The following GPC3 variants were observed in gnomAD, a reference collection of about 807,000 sequenced individuals.
GPC3 encodes glypican 3.
In GPC3, 3 loss-of-function variants were observed where a neutral mutation model predicts 34.4. The ratio of observed to expected loss-of-function variants is 0.09; its 90% confidence interval spans 0.04 to 0.23. GPC3 has a LOEUF of 0.23. Ranked by LOEUF, GPC3 falls within the 10% of genes least tolerant of loss-of-function variation. The pLI is 1.00. For missense variants in GPC3, 351 were observed against 445.6 expected (o/e 0.79, Z 1.91); for synonymous variants, 177 against 174.0 (o/e 1.02, Z -0.13).
intron 6 of GPC3, among the ~76,000 whole-genome samples, chrX:133,629,776 C>T (rs1372391599): frequency 1.8e-5 from 2 of 109,603 alleles, no homozygotes; most frequent in African/African-American, 6.6e-5. Flanking sequence ...AAGAGTTGGC[C>T]GGGCGCAGTG....
At chrX:133,857,453 C>T (rs2075909210) in intron 2 of GPC3, among the ~76,000 whole-genome samples, 1 of 111,821 alleles carries the variant, frequency 8.9e-6, no homozygotes, top group Non-Finnish European at 1.9e-5. Flanking sequence ...ATATAATCTT[C>T]CCTTTCACCC....
intron 2 of GPC3, among the ~76,000 whole-genome samples, chrX:133,896,473 A>G (rs1441926785): frequency 1.8e-5 from 2 of 112,004 alleles, no homozygotes; most frequent in Non-Finnish European, 3.8e-5. Flanking sequence ...AATGTCTCTA[A>G]GTTCTTTTTC....
chrX:133,538,745 T>C (rs2069316911), intron 7 of GPC3, among the ~76,000 whole-genome samples: 1 of 104,410 alleles, frequency 9.6e-6, no homozygotes. Flanking sequence ...CATGGCTCAA[T>C]GCAGCCTCGA....
chrX:133,786,488 C>T (rs186290754), intron 2 of GPC3, among the ~76,000 whole-genome samples: 286 of 112,732 alleles, frequency 2.5e-3, no homozygotes, highest in African/African-American at 8.5e-3. Flanking sequence ...AAAAAGGGGT[C>T]CCCGGAGAAT....
At chrX:133,784,016 C>T (rs1219474442) in intron 2 of GPC3, among the ~76,000 whole-genome samples, 1 of 111,761 alleles carries the variant, frequency 8.9e-6, no homozygotes, top group Non-Finnish European at 1.9e-5. Context: ...AGAAACCTTA[C>T]TTCCTCCACT....
intron 2 of GPC3, among the ~76,000 whole-genome samples, chrX:133,770,008 C>T (rs778076331): frequency 8.9e-6 from 1 of 112,360 alleles, no homozygotes; most frequent in Non-Finnish European, 1.9e-5. Flanking sequence ...GGTGCAGTGC[C>T]GCAGGCCAGT....
chrX:133,759,453 C>T (rs1049974783), intron 2 of GPC3, among the ~76,000 whole-genome samples: 1 of 111,550 alleles, frequency 9.0e-6, no homozygotes, highest in Admixed American at 9.5e-5. Context: ...CAGAAATAGA[C>T]CCACACAAAT....
intron 2 of GPC3, among the ~76,000 whole-genome samples, chrX:133,857,276 T>A (rs1481451403): frequency 3.6e-5 from 4 of 112,437 alleles, no homozygotes; most frequent in Non-Finnish European, 5.6e-5. Context: ...AATTGATTAT[T>A]AATGAATCAT....
chrX:133,854,414 CTG>C (rs778958252), intron 2 of GPC3, among the ~76,000 whole-genome samples: 78 of 111,849 alleles, frequency 7.0e-4, no homozygotes, highest in Non-Finnish European at 8.8e-4. Context: ...AAAGCTTACA[CTG>C]TGTTAGGCAA....
chrX:133,763,164 G>A, intron 2 of GPC3: 1 of 719,006 alleles, frequency 1.4e-6, no homozygotes, highest in Non-Finnish European at 2.2e-6. Context: ...AGCTTCTTGT[G>A]GTTACTGACC....
At chrX:133,685,764 T>G (rs1041096355) in intron 5 of GPC3, among the ~76,000 whole-genome samples, 2 of 108,427 alleles carry the variant, frequency 1.8e-5, no homozygotes, top group African/African-American at 3.4e-5. Flanking sequence ...ATAGTTTTTT[T>G]TTTTTTTTTT....
chrX:133,937,782 G>C (rs1239862650), intron 2 of GPC3, among the ~76,000 whole-genome samples: 1 of 111,813 alleles, frequency 8.9e-6, no homozygotes, highest in Non-Finnish European at 1.9e-5. Flanking sequence ...AACAATATTA[G>C]AAATGTTGTA....
At chrX:133,555,778 A>G (rs1478756613) in intron 7 of GPC3, among the ~76,000 whole-genome samples, 2 of 108,475 alleles carry the variant, frequency 1.8e-5, no homozygotes, top group Admixed American at 2.0e-4. Flanking sequence ...CAGTGAGCCG[A>G]GATTGTGCCA....
chrX:133,922,492 T>C (rs1310546311), intron 2 of GPC3, among the ~76,000 whole-genome samples: 1 of 111,566 alleles, frequency 9.0e-6, no homozygotes, highest in Non-Finnish European at 1.9e-5. Context: ...ACTATAAGGG[T>C]GACCTCAGGA....
intron 6 of GPC3, among the ~76,000 whole-genome samples, 163 bp downstream of exon 6, chrX:133,661,567 T>C (rs1306553465): frequency 1.5e-5 from 1 of 68,084 alleles, no homozygotes; most frequent in African/African-American, 6.0e-5. Flanking sequence ...TATATCTCTC[T>C]TTCTCTCTCT....
chrX:133,945,015 C>T (rs757545474), intron 2 of GPC3, among the ~76,000 whole-genome samples: 1 of 111,787 alleles, frequency 8.9e-6, no homozygotes, highest in East Asian at 2.8e-4. Flanking sequence ...AGGTGTTTGC[C>T]CCTTCCAAGA....
At chrX:133,555,758 G>T (rs1181763889) in intron 7 of GPC3, among the ~76,000 whole-genome samples, 2 of 109,186 alleles carry the variant, frequency 1.8e-5, no homozygotes, top group Non-Finnish European at 3.8e-5. Context: ...AACCTGAGAG[G>T]CAGAGACTGC....
intron 2 of GPC3, among the ~76,000 whole-genome samples, chrX:133,839,950 A>T (rs2075816930): frequency 9.5e-6 from 1 of 105,103 alleles, no homozygotes; most frequent in South Asian, 4.2e-4. Context: ...AAAAAAAGAC[A>T]TCTCAGAACA....
At chrX:133,950,145 A>C (rs2076385852) in intron 2 of GPC3, among the ~76,000 whole-genome samples, 1 of 112,339 alleles carries the variant, frequency 8.9e-6, no homozygotes, top group African/African-American at 3.2e-5. Flanking sequence ...CAGAAACAAA[A>C]AGCAATTGTG....
Sources: allele counts gnomAD v4.1 joint callset (sites outside exome capture counted in the v4.1 genomes callset), GRCh38; gene constraint gnomAD v4.1.1; transcripts MANE v1.5; gene names NCBI Gene and HGNC (gene_info 2026-07-23, HGNC 2026-07-21).